HYCC1: variants seen among roughly 807,000 people sequenced by gnomAD.
HYCC1 encodes hyccin PI4KA lipid kinase complex subunit 1.
the HYCC1 span, among the ~76,000 whole-genome samples, chr7:22,898,317 G>A: frequency 6.6e-6 from 1 of 152,000 alleles, no homozygotes; most frequent in African/African-American, 2.4e-5. Context: ...GGGTTCAAGC[G>A]ATTCTGCTCC....
chr7:22,971,899 T>A, the HYCC1 span, among the ~76,000 whole-genome samples: 1 of 152,264 alleles, frequency 6.6e-6, no homozygotes, highest in Middle Eastern at 3.4e-3. Flanking sequence ...GCTCACGTAG[T>A]TGGAGGAAAG....
the HYCC1 span, chr7:22,941,869 T>G: frequency 6.6e-6 from 1 of 152,176 alleles, no homozygotes; most frequent in Non-Finnish European, 1.5e-5. Context: ...ATACAAAGAC[T>G]GGGAGGACAC....
At chr7:22,914,387 C>T in the HYCC1 span, among the ~76,000 whole-genome samples, 2 of 152,252 alleles carry the variant, frequency 1.3e-5, no homozygotes, top group East Asian at 1.9e-4. Context: ...AAACTTCCAC[C>T]GTCTATTCCC....
the HYCC1 span, chr7:22,945,035 T>C: frequency 1.9e-5 from 3 of 155,788 alleles, no homozygotes; most frequent in African/African-American, 7.2e-5. Flanking sequence ...AATATTTTCA[T>C]CAGGTGCTTT....
the HYCC1 span, among the ~76,000 whole-genome samples, chr7:22,913,147 C>A: frequency 6.6e-6 from 1 of 151,948 alleles, no homozygotes; most frequent in Admixed American, 6.6e-5. Context: ...AAGAAGTACT[C>A]TCCTGGGGTC....
the HYCC1 span, among the ~76,000 whole-genome samples, chr7:22,929,199 A>T: frequency 6.6e-6 from 1 of 152,250 alleles, no homozygotes; most frequent in African/African-American, 2.4e-5. Context: ...TTCAAGATGG[A>T]TTAAAGACTT....
chr7:22,990,130 A>G, the HYCC1 span, among the ~76,000 whole-genome samples: 1 of 152,218 alleles, frequency 6.6e-6, no homozygotes, highest in Non-Finnish European at 1.5e-5. Context: ...TTAACTTTGT[A>G]GTTTTCAAGA....
At chr7:23,002,201 T>A in the HYCC1 span, among the ~76,000 whole-genome samples, 1 of 144,344 alleles carries the variant, frequency 6.9e-6, no homozygotes, top group Admixed American at 7.0e-5. Flanking sequence ...CTACAGCATG[T>A]AATGAAAAAT....
chr7:22,978,530 A>C, the HYCC1 span: 2 of 1,161,206 alleles, frequency 1.7e-6, no homozygotes, highest in Non-Finnish European at 2.5e-6. Context: ...AGGTTTTCTC[A>C]GATTGGTAAA....
the HYCC1 span, among the ~76,000 whole-genome samples, chr7:23,008,498 G>C: frequency 6.6e-6 from 1 of 151,982 alleles, no homozygotes; most frequent in African/African-American, 2.4e-5. Context: ...AGATATTCCA[G>C]TGAGGTTCTT....
chr7:22,919,772 A>G, the HYCC1 span, among the ~76,000 whole-genome samples: 2 of 152,130 alleles, frequency 1.3e-5, no homozygotes, highest in Non-Finnish European at 2.9e-5. Flanking sequence ...AAAGAAAAAC[A>G]GAATGAAGAA....
chr7:22,901,436 G>A, the HYCC1 span, among the ~76,000 whole-genome samples: 1 of 151,984 alleles, frequency 6.6e-6, no homozygotes, highest in Non-Finnish European at 1.5e-5. Flanking sequence ...CCAATTAGAA[G>A]ACGAAGATTG....
the HYCC1 span, chr7:22,934,878 T>C: frequency 6.6e-6 from 1 of 152,186 alleles, no homozygotes; most frequent in African/African-American, 2.4e-5. Context: ...CCAGCACAAA[T>C]CATAATTCCA....
the HYCC1 span, among the ~76,000 whole-genome samples, chr7:22,914,753 G>C: frequency 7.9e-5 from 12 of 151,624 alleles, no homozygotes; most frequent in Non-Finnish European, 5.9e-5. Context: ...CCTTTTTTAC[G>C]GACCCATCTG....
At chr7:22,990,978 TA>T in the HYCC1 span, 1 of 931,770 alleles carries the variant, frequency 1.1e-6, no homozygotes. Flanking sequence ...TTCAGTCATA[TA>T]AAATACAAAA....
the HYCC1 span, among the ~76,000 whole-genome samples, chr7:22,986,706 T>G: frequency 3.3e-5 from 5 of 152,082 alleles, no homozygotes; most frequent in South Asian, 1.0e-3. Context: ...ATTAGCCAGG[T>G]GTGTGGTGCC....
the HYCC1 span, among the ~76,000 whole-genome samples, chr7:22,965,117 G>C: frequency 7.2e-6 from 1 of 138,980 alleles, no homozygotes; most frequent in African/African-American, 2.7e-5. Context: ...CTGGGTGACA[G>C]AGTGAGATTC....
chr7:22,978,551 T>C, the HYCC1 span: 2 of 976,502 alleles, frequency 2.0e-6, no homozygotes, highest in Non-Finnish European at 3.1e-6. Context: ...AATCATATCT[T>C]TTTAAGTTCT....
At chr7:22,905,515 A>G in the HYCC1 span, among the ~76,000 whole-genome samples, 1 of 149,042 alleles carries the variant, frequency 6.7e-6, no homozygotes, top group African/African-American at 2.5e-5. Flanking sequence ...GATTACAGGC[A>G]TGAGCCACCG....
Sources: allele counts gnomAD v4.1 joint callset (sites outside exome capture counted in the v4.1 genomes callset), GRCh38; gene constraint gnomAD v4.1.1; transcripts MANE v1.5; gene names NCBI Gene and HGNC (gene_info 2026-07-23, HGNC 2026-07-21).